Variants in SIPA1L3 observed in about 807,000 individuals in gnomAD.
SIPA1L3 encodes the protein signal induced proliferation associated 1 like 3, also known as signal-induced proliferation-associated 1-like protein 3.
SIPA1L3 carries 59 observed loss-of-function variants against 150.1 expected under a neutral mutation model. That is an observed-to-expected ratio of 0.39 (90% confidence interval 0.32 to 0.49). The LOEUF (loss-of-function observed/expected upper bound fraction) is 0.49, where lower values mean the gene tolerates loss of function less well. Ranked by LOEUF, SIPA1L3 falls within the 20% of genes least tolerant of loss-of-function variation. SIPA1L3 has a pLI of 0.86. For synonymous variants in SIPA1L3, 1,070 were observed against 1,077.6 expected (o/e 0.99, Z 0.14); for missense variants, 2,211 against 2,489.5 (o/e 0.89, Z 2.38).
At chr19:38,025,795 C>G (rs1018592410) in intron 1 of SIPA1L3, among the ~76,000 whole-genome samples, 4 of 152,188 alleles carry the variant, frequency 2.6e-5, no homozygotes, top group Non-Finnish European at 4.4e-5. Flanking sequence ...CTGGTTCCCT[C>G]CTGCCCTGCC....
At chr19:38,068,292 G>A (rs999048336) in intron 2 of SIPA1L3, among the ~76,000 whole-genome samples, 1 of 151,936 alleles carries the variant, frequency 6.6e-6, no homozygotes, top group African/African-American at 2.4e-5. Context: ...GCCTCCCAAA[G>A]TGCTGGGATT....
chr19:38,093,826 G>C (rs1383495703), intron 4 of SIPA1L3, among the ~76,000 whole-genome samples: 1 of 152,218 alleles, frequency 6.6e-6, no homozygotes, highest in African/African-American at 2.4e-5. Flanking sequence ...GGCAGGAACA[G>C]ACTTGGAGCT....
chr19:38,028,672 T>C (rs1318944701), intron 1 of SIPA1L3, among the ~76,000 whole-genome samples: 1 of 151,808 alleles, frequency 6.6e-6, no homozygotes, highest in Non-Finnish European at 1.5e-5. Context: ...GCCTGGCACA[T>C]AGCAGGTGTT....
chr19:38,118,171 A>T (rs1970932448), intron 8 of SIPA1L3, among the ~76,000 whole-genome samples: 1 of 152,204 alleles, frequency 6.6e-6, no homozygotes, highest in East Asian at 1.9e-4. Context: ...ACTCATAAAC[A>T]TTCTACATCA....
At chr19:38,069,261 G>C (rs1049520181) in intron 2 of SIPA1L3, among the ~76,000 whole-genome samples, 2 of 152,170 alleles carry the variant, frequency 1.3e-5, no homozygotes, top group Non-Finnish European at 2.9e-5. Flanking sequence ...GGGAGGCGAG[G>C]ACAAGGCGCT....
intron 2 of SIPA1L3, among the ~76,000 whole-genome samples, 184 bp from the exon 3 acceptor site, chr19:38,081,072 A>C (rs1969966764): frequency 6.7e-6 from 1 of 149,634 alleles, no homozygotes. Flanking sequence ...AATGGAAAAT[A>C]GTTAGTGGTT....
At chr19:38,045,511 G>A (rs931987818) in intron 2 of SIPA1L3, among the ~76,000 whole-genome samples, 6 of 152,076 alleles carry the variant, frequency 3.9e-5, no homozygotes, top group Admixed American at 1.3e-4. Context: ...GGTCGAGGCT[G>A]CAGTGAGCCA....
intron 1 of SIPA1L3, among the ~76,000 whole-genome samples, chr19:37,965,559 C>T (rs184711732): frequency 4.6e-5 from 7 of 152,222 alleles, no homozygotes; most frequent in African/African-American, 1.7e-4. Context: ...CATGATCTGC[C>T]TGCGTCGTTC....
chr19:38,032,932 G>T (rs1000689023), intron 2 of SIPA1L3, among the ~76,000 whole-genome samples: 1 of 152,184 alleles, frequency 6.6e-6, no homozygotes, highest in African/African-American at 2.4e-5. Context: ...ATATAGTGAT[G>T]AATAAAGCAG....
intron 8 of SIPA1L3, among the ~76,000 whole-genome samples, chr19:38,117,094 T>G (rs1180444144): frequency 6.6e-6 from 1 of 152,180 alleles, no homozygotes; most frequent in Non-Finnish European, 1.5e-5. Context: ...CCCAGAAGCC[T>G]CGATGGGTTG....
intron 1 of SIPA1L3, among the ~76,000 whole-genome samples, chr19:37,927,400 C>T (rs1218986590): frequency 5.3e-5 from 8 of 152,128 alleles, no homozygotes; most frequent in Non-Finnish European, 1.5e-5. Flanking sequence ...GATCCACCCA[C>T]CTTGGTCTCC....
Position 38,130,472 on chromosome 19 carries a change from G to C in SIPA1L3, c.2869-26G>C, listed in dbSNP as rs376293451. The C allele has an allele frequency of 6.3e-6, 10 of 1,592,650 alleles. No homozygotes were observed. In the East Asian group the frequency reaches 2.2e-4, roughly 36 times the overall value. On this transcript the variant is annotated intron_variant, in intron 9 of 21. Coordinates refer to ENST00000222345, the MANE Select transcript of SIPA1L3 (RefSeq NM_015073.3). ...AGGAGCTGACCCAAGCAGCTTCTGA[G>C]GCTCGATCCTGCCTGTGGCCTGCAG...
chr19:38,028,547 G>C (rs1000125390), intron 1 of SIPA1L3, among the ~76,000 whole-genome samples: 1 of 152,126 alleles, frequency 6.6e-6, no homozygotes, highest in Non-Finnish European at 1.5e-5. Context: ...TTTCATCAAG[G>C]TTCCACTCTG....
chr19:38,183,036 C>A, intron 16 of SIPA1L3: 1 of 346,398 alleles, frequency 2.9e-6, no homozygotes, highest in South Asian at 4.9e-5. Flanking sequence ...GGCATAGCAG[C>A]TGCAGAGGTC....
chr19:38,049,778 C>G (rs1387227934), intron 2 of SIPA1L3, among the ~76,000 whole-genome samples: 1 of 152,146 alleles, frequency 6.6e-6, no homozygotes, highest in African/African-American at 2.4e-5. Context: ...CGCGTTCCCC[C>G]GAGAGCACAG....
At position 38,110,390 on chromosome 19, in the gene SIPA1L3, C is replaced by T; in HGVS notation, c.2291+6C>T. 1.9e-6 allele frequency: 3 copies of T among 1,608,132 alleles called. No homozygotes were observed. The highest frequency in any genetic ancestry group is 1.7e-6 in the Non-Finnish European group (2 of 1,175,742). Reference sequence around the variant, plus strand: ...ACTGATAACGTCTGTTACAGGTATGCCCCCCACACCCGGCCCCCAGCAGCG... The same window carrying T: ...ACTGATAACGTCTGTTACAGGTATGTCCCCCACACCCGGCCCCCAGCAGCG... On this transcript the variant is annotated splice_donor_region_variant and intron_variant, in intron 8 of 21. Transcript: ENST00000222345.
intron 1 of SIPA1L3, among the ~76,000 whole-genome samples, chr19:37,979,841 A>T (rs1425417704): frequency 6.6e-6 from 1 of 152,200 alleles, no homozygotes; most frequent in Non-Finnish European, 1.5e-5. Flanking sequence ...TGTGCTCCCC[A>T]AAAGCAGAGC....
chr19:38,057,290 G>A (rs8108049), intron 2 of SIPA1L3, among the ~76,000 whole-genome samples: 1 of 129,428 alleles, frequency 7.7e-6, no homozygotes, highest in African/African-American at 3.5e-5. Flanking sequence ...ATATATATAT[G>A]TATATATATG....
At chr19:38,115,603 C>T (rs1047234478) in intron 8 of SIPA1L3, among the ~76,000 whole-genome samples, 3 of 152,184 alleles carry the variant, frequency 2.0e-5, no homozygotes, top group Non-Finnish European at 2.9e-5. Context: ...CCTTGCCTTC[C>T]GGGCCATGCC....
Sources: gnomAD v4.1 joint callset for allele counts (sites outside exome capture counted in the v4.1 genomes callset) on GRCh38, gnomAD v4.1.1 for gene constraint, MANE v1.5 for transcripts, NCBI Gene and HGNC (gene_info 2026-07-23, HGNC 2026-07-21) for gene names.